The following HPSE2 variants were observed in gnomAD, a reference collection of about 807,000 sequenced individuals.
HPSE2 encodes heparanase 2 (inactive), also known as inactive heparanase-2.
A neutral mutation model predicts 60.5 loss-of-function variants in HPSE2; 38 were observed. The ratio of observed to expected loss-of-function variants is 0.63; its 90% CI spans 0.48 to 0.82. The LOEUF (loss-of-function observed/expected upper bound fraction) is 0.82. HPSE2 is among the 40% of genes least tolerant of loss of function. The pLI, the probability that HPSE2 is intolerant of heterozygous loss-of-function variation, is 0.00. For synonymous variants in HPSE2, 295 were observed against 293.2 expected, an observed-to-expected ratio of 1.01 and a Z score of -0.06; for missense variants, 713 against 740.4, an observed-to-expected ratio of 0.96 and a Z score of 0.43.
chr10:98,710,417 T>C (rs145566657), intron 5 of HPSE2, among the ~76,000 whole-genome samples: 33 of 152,148 alleles, frequency 2.2e-4, no homozygotes, highest in African/African-American at 7.7e-4. Flanking sequence ...TGCAGATCTC[T>C]ATTTAGGCTT....
At chr10:98,666,048 T>C (rs1003518397) in intron 6 of HPSE2, among the ~76,000 whole-genome samples, 1 of 152,106 alleles carries the variant, frequency 6.6e-6, no homozygotes, top group South Asian at 2.1e-4. Context: ...CAATCTCACA[T>C]GTAATAACAT....
At position 98,598,624 on chromosome 10, in the gene HPSE2, T is replaced by C. The variant is rs552869616; in HGVS notation, c.1320+16280A>G. 9.2e-5 allele frequency among the ~76,000 whole-genome samples: 14 copies of C among 152,132 alleles called. No individual in the cohort carries two copies. The East Asian group carries it at 2.5e-3, about 27-fold the overall frequency. ...CATGGAAGATGGGTCTGTGTCCTGG[T>C]CCACAGCAACTGACCTGGTGCTGGG... On this transcript the variant is annotated intron_variant, in intron 9 of 11. Coordinates refer to ENST00000370552, the MANE Select transcript of HPSE2 (RefSeq NM_021828.5).
chr10:99,006,126 C>G (rs1411677061), intron 3 of HPSE2, among the ~76,000 whole-genome samples: 4 of 151,936 alleles, frequency 2.6e-5, no homozygotes, highest in Admixed American at 1.3e-4. Context: ...GGGGTGGTCT[C>G]TGAGCCCAAG....
At chr10:99,273,271 G>A in the HPSE2 span, among the ~76,000 whole-genome samples, 1 of 152,158 alleles carries the variant, frequency 6.6e-6, no homozygotes, top group Non-Finnish European at 1.5e-5. Context: ...TCAGGGAAAA[G>A]AGTGAGGGGC....
At chr10:98,979,194 CT>C (rs1415207279) in intron 3 of HPSE2, among the ~76,000 whole-genome samples, 16 of 152,058 alleles carry the variant, frequency 1.1e-4, no homozygotes, top group African/African-American at 3.6e-4. Flanking sequence ...AGAGGTAAAC[CT>C]TCCTTCAGGC....
At chr10:99,127,455 AT>A (rs1845207248) in intron 3 of HPSE2, among the ~76,000 whole-genome samples, 1 of 152,200 alleles carries the variant, frequency 6.6e-6, no homozygotes, top group Non-Finnish European at 1.5e-5. Flanking sequence ...AGAAAAAAGA[AT>A]TTGAGAAAAA....
At chr10:98,655,230 CTT>C (rs1167965911) in intron 6 of HPSE2, among the ~76,000 whole-genome samples, 2 of 142,102 alleles carry the variant, frequency 1.4e-5, no homozygotes, top group African/African-American at 2.6e-5. Context: ...GGAGAGTTGG[CTT>C]TTTTTTTTTA....
intron 9 of HPSE2, among the ~76,000 whole-genome samples, chr10:98,546,446 CA>C (rs1195916259): frequency 6.7e-6 from 1 of 149,598 alleles, no homozygotes; most frequent in Non-Finnish European, 1.5e-5. Context: ...GTACTGGTAC[CA>C]AAACAGAGAT....
At chr10:99,287,035 A>T in the HPSE2 span, among the ~76,000 whole-genome samples, 1 of 152,178 alleles carries the variant, frequency 6.6e-6, no homozygotes, top group Non-Finnish European at 1.5e-5. Context: ...CACAAACAAC[A>T]TAATAGCAGA....
chr10:98,919,475 T>G (rs1320076319), intron 3 of HPSE2, among the ~76,000 whole-genome samples: 2 of 152,010 alleles, frequency 1.3e-5, no homozygotes, highest in Non-Finnish European at 2.9e-5. Flanking sequence ...GCGACAAGAT[T>G]AGAGGTAGGG....
At chr10:99,228,791 A>G (rs1489400880) in intron 2 of HPSE2, among the ~76,000 whole-genome samples, 1 of 152,244 alleles carries the variant, frequency 6.6e-6, no homozygotes, top group East Asian at 1.9e-4. Context: ...ATACAGTTGC[A>G]TTAATGTGCT....
chr10:98,792,131 A>G (rs555004949), intron 3 of HPSE2, among the ~76,000 whole-genome samples: 59 of 152,304 alleles, frequency 3.9e-4, no homozygotes, highest in African/African-American at 1.4e-3. Context: ...TGCACAGGTA[A>G]AATCCTGTGC....
intron 6 of HPSE2, among the ~76,000 whole-genome samples, chr10:98,651,644 T>C (rs946020429): frequency 9.2e-5 from 14 of 152,202 alleles, no homozygotes; most frequent in African/African-American, 3.4e-4. Context: ...TAGGGAAATA[T>C]CAGCATGTTA....
chr10:98,760,258 ATTTG>A (rs1368446520), intron 3 of HPSE2, among the ~76,000 whole-genome samples: 3 of 151,888 alleles, frequency 2.0e-5, no homozygotes, highest in Non-Finnish European at 4.4e-5. Flanking sequence ...TTTATTAATA[ATTTG>A]TTTATGATTT....
intron 3 of HPSE2, among the ~76,000 whole-genome samples, chr10:98,986,494 T>G (rs1261049006): frequency 2.0e-5 from 3 of 149,280 alleles, no homozygotes; most frequent in Non-Finnish European, 4.5e-5. Context: ...TTCAAAGCAG[T>G]GTGTAGAGGG....
At position 98,971,166 on chromosome 10, in the gene HPSE2, C is replaced by T. The variant is rs138902047; in HGVS notation, c.610+173072G>A. On this transcript the variant is annotated intron_variant, in intron 3 of 11. Transcript: ENST00000370552. ...TCATTAAATTAACAAACGTTTAATA[C>T]TGACTACTACATGTGAGGCACCAGA... Among the ~76,000 whole-genome samples the T allele has an allele frequency of 1.2e-4, 19 of 152,284 alleles. 1 individual carries two copies. The East Asian group carries it at 3.1e-3, about 25-fold the overall frequency.
intron 2 of HPSE2, among the ~76,000 whole-genome samples, chr10:99,172,649 G>C (rs1471671109): frequency 1.3e-5 from 2 of 152,090 alleles, no homozygotes; most frequent in Non-Finnish European, 2.9e-5. Flanking sequence ...AGGCCAGGGT[G>C]GGGGGATCAC....
chr10:98,641,489 A>G (rs1946635352), intron 7 of HPSE2, among the ~76,000 whole-genome samples: 1 of 152,052 alleles, frequency 6.6e-6, no homozygotes, highest in African/African-American at 2.4e-5. Context: ...CGGGAAGCTG[A>G]GGCAGGTAAA....
In HPSE2 at chr10:99,126,239, C is replaced by A. The variant is rs1195862635; in HGVS notation, c.610+17999G>T. On this transcript the variant is annotated intron_variant, in intron 3 of 11. Transcript: ENST00000370552. This position sits in a 1 kb window ranked among gnomAD's most constrained non-coding sequence, Gnocchi z 4.0. ...TGACACAGCAGAGGCAGCCATAATC[C>A]CCTCTGGAATATAACCCCATTGGCC... is the stretch of plus-strand genomic sequence containing the variant. 2.6e-5 allele frequency among the ~76,000 whole-genome samples: 4 copies of A among 152,068 alleles called. No homozygotes were observed. Among genetic ancestry groups the A allele is most frequent in the Non-Finnish European group, 5.9e-5 (4 of 68,024 alleles).
Sources: allele counts gnomAD v4.1 joint callset (sites outside exome capture counted in the v4.1 genomes callset), GRCh38; gene constraint gnomAD v4.1.1; non-coding constraint Gnocchi (gnomAD v3.1); transcripts MANE v1.5; gene names NCBI Gene and HGNC (gene_info 2026-07-23, HGNC 2026-07-21).